Variants in ADGRB3 observed in about 807,000 individuals in gnomAD.
ADGRB3 encodes adhesion G protein-coupled receptor B3, also known as brain-specific angiogenesis inhibitor 3.
A neutral mutation model predicts 193.4 loss-of-function variants in ADGRB3; 37 were observed. The observed-to-expected ratio is 0.19, with a 90% CI of 0.15 to 0.25. The LOEUF (loss-of-function observed/expected upper bound fraction) is 0.25, where lower values mean the gene tolerates loss of function less well. ADGRB3 is among the 10% of genes least tolerant of loss of function. The pLI is 1.00. For synonymous variants in ADGRB3, 690 were observed against 644.2 expected, an observed-to-expected ratio of 1.07 and a Z score of -1.08; for missense variants, 1,637 against 1,852.9, an observed-to-expected ratio of 0.88 and a Z score of 2.14.
At chr6:68,989,512 C>T (rs1014210972) in intron 10 of ADGRB3, among the ~76,000 whole-genome samples, 22 of 152,064 alleles carry the variant, frequency 1.4e-4, no homozygotes, top group Non-Finnish European at 2.2e-4. Flanking sequence ...GCTAGCATTT[C>T]GAGAAATTGG....
At chr6:69,019,414 A>G (rs1385916016) in intron 13 of ADGRB3, among the ~76,000 whole-genome samples, 1 of 152,024 alleles carries the variant, frequency 6.6e-6, no homozygotes, top group East Asian at 1.9e-4. Context: ...AGAATTAACT[A>G]GGGAAGTTCA....
At chr6:69,044,964 G>A (rs558076082) in intron 13 of ADGRB3, among the ~76,000 whole-genome samples, 1 of 152,196 alleles carries the variant, frequency 6.6e-6, no homozygotes, top group South Asian at 2.1e-4. Flanking sequence ...TACAGAAGCA[G>A]GATATATAGA....
chr6:68,868,269 T>A (rs508591), intron 3 of ADGRB3, among the ~76,000 whole-genome samples: 4,279 of 152,068 alleles, frequency 0.028, 207 homozygotes, highest in African/African-American at 0.096. Context: ...AAAGTGTGTG[T>A]CATCCCCCAC....
intron 15 of ADGRB3, among the ~76,000 whole-genome samples, chr6:69,055,861 G>A (rs371933246): frequency 6.6e-6 from 1 of 151,320 alleles, no homozygotes; most frequent in African/African-American, 2.4e-5. Flanking sequence ...ACACAGTCTC[G>A]CTCTGTTGCA....
chr6:68,888,830 TG>T (rs1181043382), intron 3 of ADGRB3, among the ~76,000 whole-genome samples: 4 of 152,022 alleles, frequency 2.6e-5, no homozygotes, highest in African/African-American at 9.7e-5. Flanking sequence ...GAAAGACAAA[TG>T]GGGTGGTCCT....
intron 3 of ADGRB3, among the ~76,000 whole-genome samples, chr6:68,866,470 A>G (rs558578323): frequency 6.6e-6 from 1 of 152,336 alleles, no homozygotes; most frequent in Non-Finnish European, 1.5e-5. Context: ...AGTGCTTTAT[A>G]GCAGTGTGAA....
intron 23 of ADGRB3, chr6:69,331,417 A>G (rs751121972): frequency 1.7e-4 from 59 of 338,314 alleles, no homozygotes; most frequent in Non-Finnish European, 2.4e-4. Context: ...TCATATTGCT[A>G]TACAATTATA....
chr6:68,738,732 G>T (rs1765920947), intron 3 of ADGRB3, among the ~76,000 whole-genome samples: 1 of 152,122 alleles, frequency 6.6e-6, no homozygotes, highest in African/African-American at 2.4e-5. Flanking sequence ...TTTGCAGGAA[G>T]ATTACTAGTT....
At chr6:68,986,738 T>C (rs1393745947) in intron 10 of ADGRB3, among the ~76,000 whole-genome samples, 1 of 152,176 alleles carries the variant, frequency 6.6e-6, no homozygotes, top group African/African-American at 2.4e-5. Flanking sequence ...CACTTAGAAC[T>C]GTGAAAGCCT....
intron 20 of ADGRB3, among the ~76,000 whole-genome samples, chr6:69,268,958 A>G (rs1260541002): frequency 4.6e-5 from 7 of 152,128 alleles, no homozygotes; most frequent in Non-Finnish European, 8.8e-5. Flanking sequence ...GACTACTGCT[A>G]CTGCTACTTC....
chr6:69,208,303 A>G (rs1303549594), intron 17 of ADGRB3, among the ~76,000 whole-genome samples: 3 of 152,198 alleles, frequency 2.0e-5, no homozygotes, highest in African/African-American at 7.2e-5. Context: ...ATATCTTCAC[A>G]GTTTTTGACC....
chr6:69,138,019 A>G (rs1306079652), intron 17 of ADGRB3, among the ~76,000 whole-genome samples: 1 of 152,206 alleles, frequency 6.6e-6, no homozygotes, highest in Non-Finnish European at 1.5e-5. Flanking sequence ...AACAGAAAGT[A>G]CAGAATAACA....
chr6:68,724,687 T>G (rs1489350752), intron 3 of ADGRB3, among the ~76,000 whole-genome samples: 1 of 150,554 alleles, frequency 6.6e-6, no homozygotes, highest in Non-Finnish European at 1.5e-5. Context: ...TGGTAAAAAC[T>G]CACTTTTCCT....
chr6:69,284,158 C>T (rs1164961362), intron 20 of ADGRB3, among the ~76,000 whole-genome samples: 1 of 152,170 alleles, frequency 6.6e-6, no homozygotes, highest in Non-Finnish European at 1.5e-5. Context: ...AATGGATCAT[C>T]TATCACCCTT....
At chr6:69,101,797 G>T (rs190392298) in intron 17 of ADGRB3, among the ~76,000 whole-genome samples, 2 of 152,002 alleles carry the variant, frequency 1.3e-5, no homozygotes, top group Admixed American at 1.3e-4. Context: ...GCACAGAGAG[G>T]TATAAAATTT....
At chr6:69,332,680 C>T in intron 23 of ADGRB3, 2 of 985,404 alleles carry the variant, frequency 2.0e-6, no homozygotes, top group Non-Finnish European at 2.4e-6. Flanking sequence ...AGGTTAATTT[C>T]CCCAGTGTTA....
intron 15 of ADGRB3, among the ~76,000 whole-genome samples, chr6:69,060,220 T>TTCTCTGTCTC (rs1554255600): frequency 5.4e-5 from 7 of 129,552 alleles, no homozygotes; most frequent in African/African-American, 2.2e-4. Context: ...CTCTCTCTCT[T>TTCTCTGTCTC]TCTCTCTCTC....
intron 3 of ADGRB3, among the ~76,000 whole-genome samples, chr6:68,669,762 C>T (rs1413420345): frequency 2.0e-5 from 3 of 151,662 alleles, no homozygotes; most frequent in Non-Finnish European, 4.4e-5. Context: ...GATATCTCTT[C>T]GATGTATTGA....
intron 17 of ADGRB3, among the ~76,000 whole-genome samples, chr6:69,145,896 G>A (rs1774478149): frequency 6.6e-6 from 1 of 152,076 alleles, no homozygotes; most frequent in Non-Finnish European, 1.5e-5. Flanking sequence ...CTGAGTCTGG[G>A]GTTTTATGCA....
Sources: allele counts gnomAD v4.1 joint callset (sites outside exome capture counted in the v4.1 genomes callset), GRCh38; gene constraint gnomAD v4.1.1; transcripts MANE v1.5; gene names NCBI Gene and HGNC (gene_info 2026-07-23, HGNC 2026-07-21).